Variants in PRSS8 observed in about 807,000 individuals in gnomAD.
The protein encoded by PRSS8 is prostasin.
A neutral mutation model predicts 26.7 loss-of-function variants in PRSS8; 11 were observed. That is an observed-to-expected ratio of 0.41 (90% CI 0.26 to 0.68). The LOEUF (loss-of-function observed/expected upper bound fraction) is 0.68. Ranked by LOEUF, PRSS8 falls within the 30% of genes least tolerant of loss-of-function variation. PRSS8 has a pLI of 0.30. For synonymous variants in PRSS8, 183 were observed against 187.0 expected, an observed-to-expected ratio of 0.98 and a Z score of 0.17; for missense variants, 362 against 443.5, an observed-to-expected ratio of 0.82 and a Z score of 1.65.
chr16:31,133,225 C>A lies in PRSS8; in HGVS notation c.266+1G>T. 6.2e-7 allele frequency: 1 copy of A among 1,613,884 alleles called. No individual in the cohort carries two copies. The highest frequency in any genetic ancestry group is 1.1e-5 in the South Asian group (1 of 91,088). The stretch of plus-strand genomic sequence containing the variant: ...CACTTTTGACTTTCACCATTTGGTA[C>A]CTGGGGAAGCAGTGAGCAGCTGACA... On this transcript the variant is annotated splice_donor_variant, in intron 3 of 5. Transcript: ENST00000317508. LOFTEE classifies it high-confidence loss of function. The surrounding 1 kb of genome is among the most constrained non-coding windows in gnomAD (Gnocchi z 4.7).
Position 31,132,509 on chromosome 16 carries a change from C to T in PRSS8, c.625G>A (p.Ala209Thr), listed in dbSNP as rs368523772. 8.7e-6 allele frequency: 14 copies of T among 1,614,058 alleles called. No individual in the cohort carries two copies. Among genetic ancestry groups the T allele is most frequent in the Middle Eastern group, 1.6e-4 (1 of 6,062 alleles). ...ACAAAGTGCGGCTCCTCAGGCTTGG[C>T]GTCGATGTTGTACAGGCAGTTACAC... The part of the protein sequence containing the change: ...ETCNCLYNID[A>T]KPEEPHFVQE... Residue 209 changes from alanine (A) to threonine (T), a missense_variant, in exon 5 of 6, where the codon GCC becomes ACC. Coordinates refer to ENST00000317508, the MANE Select transcript of PRSS8 (RefSeq NM_002773.5). The surrounding 1 kb of genome is among the most constrained non-coding windows in gnomAD (Gnocchi z 5.2).
At position 31,135,325 on chromosome 16, in the gene PRSS8, G is replaced by C. The variant is rs558997537; in HGVS notation, c.85+89C>G. The C allele has an allele frequency of 1.7e-4, 276 of 1,577,412 alleles. 3 individuals carry two copies. The South Asian group carries it at 2.8e-3, about 16-fold the overall frequency. On this transcript the variant is annotated intron_variant, in intron 1 of 5. Transcript: ENST00000317508. ...AGCTAGGGAGGCCGGGGGTTTTCTT[G>C]GGCCCCAGACAAGGGCACACCCCAG...
At position 31,135,680 on chromosome 16, in the gene PRSS8, C is replaced by G. The variant is rs2057603078; in HGVS notation, c.-182G>C. On this transcript the variant is annotated 5_prime_UTR_variant, in exon 1 of 6. Coordinates refer to ENST00000317508, the MANE Select transcript of PRSS8 (RefSeq NM_002773.5). ...CAGGGAGCGGCCGCAACGGGAGACG[C>G]CTGGAGTATCCGAAGCGAGCAGTGT... 1.7e-6 allele frequency: 1 copy of G among 598,704 alleles called. No individual in the cohort carries two copies. The allele number at this position is 598,704 out of a possible 1,614,324, so 37.1% of individuals were successfully genotyped here.
Position 31,132,766 on chromosome 16 carries a change from GC to G in PRSS8, c.453del (p.Ile153SerfsTer28). 1 of 1,614,022 alleles carries G rather than the reference GC, an allele frequency of 6.2e-7. No homozygotes were observed. The highest frequency in any genetic ancestry group is 8.5e-7 in the Non-Finnish European group (1 of 1,179,890). On this transcript the variant is annotated frameshift_variant, in exon 4 of 6. Coordinates refer to ENST00000317508, the MANE Select transcript of PRSS8 (RefSeq NM_002773.5). LOFTEE classifies it high-confidence loss of function. This position sits in a 1 kb window ranked among gnomAD's most constrained non-coding sequence, Gnocchi z 5.2. Reference sequence around the variant, plus strand: ...GCGTTGGCTGCAGGGAGGCAGATGGGCCGGATGTAGCGGGAGAAGGTGATGG... The same window carrying G: ...GCGTTGGCTGCAGGGAGGCAGATGGGCGGATGTAGCGGGAGAAGGTGATGG... ...SRPITFSRYIRPICLPAANAS... is the reference protein window; with the variant it reads ...SRPITFSRYIXPICLPAANAS...
Position 31,135,213 on chromosome 16 carries a change from C to T in PRSS8, c.86-42G>A, listed in dbSNP as rs767630918. The T allele has an allele frequency of 3.7e-5, 60 of 1,611,820 alleles. 1 individual carries two copies. Among genetic ancestry groups the T allele is most frequent in the South Asian group, 2.7e-4 (24 of 90,498 alleles). On this transcript the variant is annotated intron_variant, in intron 1 of 5. Coordinates refer to ENST00000317508, the MANE Select transcript of PRSS8 (RefSeq NM_002773.5). Reference sequence around the variant, plus strand: ...AGAGGAGGGGTGAGTAGGGAAGACTCGGGTTCCCTGACCCCTTAGTACCCA... The same window carrying T: ...AGAGGAGGGGTGAGTAGGGAAGACTTGGGTTCCCTGACCCCTTAGTACCCA...
rs751143256 is a variant in PRSS8, at chr16:31,133,755, C to CA, written c.104-368dup. On this transcript the variant is annotated intron_variant, in intron 2 of 5. Transcript: ENST00000317508. The surrounding 1 kb of genome is among the most constrained non-coding windows in gnomAD (Gnocchi z 4.7). Reference sequence around the variant, plus strand: ...ACCCAGCCGTCCCCTCTGGACCCTTCAGTTGTGTACATCAGGCCACACACT... The same window carrying CA: ...ACCCAGCCGTCCCCTCTGGACCCTTCAAGTTGTGTACATCAGGCCACACACT... Among the ~76,000 whole-genome samples, 2 of 152,216 alleles carry CA rather than the reference C, an allele frequency of 1.3e-5. No individual in the cohort carries two copies. Among genetic ancestry groups the CA allele is most frequent in the Non-Finnish European group, 2.9e-5 (2 of 68,028 alleles).
At chr16:31,135,216 G>T in intron 1 of PRSS8, 45 bp from the exon 2 acceptor site, 1 of 1,611,880 alleles carries the variant, frequency 6.2e-7, no homozygotes. Context: ...GAAGACTCGG[G>T]TTCCCTGACC....
In PRSS8 at chr16:31,132,039, G is replaced by A; in HGVS notation, c.1002C>T (p.Gly334=). ...GCTCGCTGAGCCATGGGGAGAGGAG[G>A]CCCAGAGCCAGGCCCAGAGGCAGGA... ...ILFLPLGLAL[G]LLSPWLSEH Residue 334 remains glycine (G), a synonymous_variant, in exon 6 of 6, where the codon GGC becomes GGT. Coordinates refer to ENST00000317508, the MANE Select transcript of PRSS8 (RefSeq NM_002773.5). The surrounding 1 kb of genome is among the most constrained non-coding windows in gnomAD (Gnocchi z 5.2). 1 of 1,590,042 alleles carries A rather than the reference G, an allele frequency of 6.3e-7. No individual in the cohort carries two copies. The highest frequency in any genetic ancestry group is 8.6e-7 in the Non-Finnish European group (1 of 1,168,174).
In PRSS8 at chr16:31,135,549, G is replaced by A. The variant is rs1007509982; in HGVS notation, c.-51C>T. On this transcript the variant is annotated 5_prime_UTR_variant, in exon 1 of 6. Coordinates refer to ENST00000317508, the MANE Select transcript of PRSS8 (RefSeq NM_002773.5). ...AGACTCCAGGCACGCAAGGTAGGAA[G>A]CCTTGGGGTGGTGTCGAAGGCAGGA... 2.9e-5 allele frequency: 42 copies of A among 1,432,400 alleles called. No homozygotes were observed. Among genetic ancestry groups the A allele is most frequent in the Non-Finnish European group, 3.8e-5 (41 of 1,071,892 alleles). The allele number at this position is 1,432,400 out of a possible 1,614,324, so 88.7% of individuals were successfully genotyped here. A position where few individuals can be genotyped will look rare whatever the true frequency, so the allele number is the denominator to read the frequency against.
intron 2 of PRSS8, chr16:31,134,676 C>CAAACAA (rs1009472527): frequency 9.4e-5 from 16 of 170,342 alleles, no homozygotes; most frequent in East Asian, 1.7e-4. Context: ...ACATCTCTAC[C>CAAACAA]AAACAAAAAC....
chr16:31,135,127 C>T (rs755118128), intron 2 of PRSS8, 27 bp downstream of exon 2: 9 of 1,610,652 alleles, frequency 5.6e-6, no homozygotes, highest in Non-Finnish European at 7.6e-6. Context: ...TCCCCCTCCC[C>T]TCCTCCCTCT....
At position 31,132,349 on chromosome 16, in the gene PRSS8, C is replaced by T. The variant is rs1473353605; in HGVS notation, c.706-14G>A. 1.2e-6 allele frequency: 2 copies of T among 1,613,920 alleles called. No individual in the cohort carries two copies. The highest frequency in any genetic ancestry group is 1.1e-5 in the South Asian group (1 of 91,074). On this transcript the variant is annotated splice_polypyrimidine_tract_variant and intron_variant, in intron 5 of 5. Coordinates refer to ENST00000317508, the MANE Select transcript of PRSS8 (RefSeq NM_002773.5). The surrounding 1 kb of genome is among the most constrained non-coding windows in gnomAD (Gnocchi z 5.2). ...CCCAGAGTCACCCTGAGGAGAGAAGCCACACAGCAGCCATCAGGACCGGGC... is the reference window on the plus strand; with the variant it reads ...CCCAGAGTCACCCTGAGGAGAGAAGTCACACAGCAGCCATCAGGACCGGGC...
intron 2 of PRSS8, chr16:31,134,823 C>A (rs763446719): frequency 6.0e-6 from 2 of 331,674 alleles, no homozygotes; most frequent in Non-Finnish European, 1.1e-5. Flanking sequence ...CAGTGAGCTG[C>A]GATCGGGCCA....
At chr16:31,135,283 G>A (rs201478213) in intron 1 of PRSS8, 112 bp from the exon 2 acceptor site, 22 of 1,589,048 alleles carry the variant, frequency 1.4e-5, no homozygotes, top group Non-Finnish European at 8.6e-7. Flanking sequence ...GAGCCAAGGT[G>A]GGAAAGAGAG....
rs2057599523 is a variant in PRSS8, at chr16:31,135,233, T to G, written c.86-62A>C. 4.4e-6 allele frequency: 7 copies of G among 1,608,304 alleles called. No individual in the cohort carries two copies. The East Asian group carries it at 1.6e-4, about 36-fold the overall frequency. Reference sequence around the variant, plus strand: ...AGACTCGGGTTCCCTGACCCCTTAGTACCCACCACTGCTCCAGAGGGCTGG... The same window carrying G: ...AGACTCGGGTTCCCTGACCCCTTAGGACCCACCACTGCTCCAGAGGGCTGG... On this transcript the variant is annotated intron_variant, in intron 1 of 5. Transcript: ENST00000317508.
Position 31,133,462 on chromosome 16 carries a change from G to T in PRSS8, c.104-74C>A, listed in dbSNP as rs1396339227. 2.6e-6 allele frequency: 4 copies of T among 1,564,992 alleles called. No individual in the cohort carries two copies. The African/African-American group carries it at 4.0e-5, about 16-fold the overall frequency. ...TATGCAGCCCAGGAGCTCTGATATA[G>T]AGCTTGGGAAGTGGGTTCACAGGAG... On this transcript the variant is annotated intron_variant, in intron 2 of 5. Coordinates refer to ENST00000317508, the MANE Select transcript of PRSS8 (RefSeq NM_002773.5). The surrounding 1 kb of genome is among the most constrained non-coding windows in gnomAD (Gnocchi z 4.7).
Position 31,132,635 on chromosome 16 carries a change from A to G in PRSS8, c.539-40T>C. On this transcript the variant is annotated intron_variant, in intron 4 of 5. Coordinates refer to ENST00000317508, the MANE Select transcript of PRSS8 (RefSeq NM_002773.5). This position sits in a 1 kb window ranked among gnomAD's most constrained non-coding sequence, Gnocchi z 5.2. ...GAGGCTTACCCTGGGCCCCTCCCCA[A>G]GTCAGGTGCCCCTCCACACCTCTAG... The G allele has an allele frequency of 6.2e-7, 1 of 1,613,182 alleles. No individual in the cohort carries two copies.
Position 31,132,949 on chromosome 16 carries a change from G to A in PRSS8, c.271C>T (p.His91Tyr). The A allele has an allele frequency of 3.1e-6, 5 of 1,605,488 alleles. No homozygotes were observed. Among genetic ancestry groups the A allele is most frequent in the Non-Finnish European group, 4.3e-6 (5 of 1,174,738 alleles). Residue 91 changes from histidine to tyrosine, a missense_variant, in exon 4 of 6, where the codon CAC becomes TAC. His to Tyr is a moderately conservative substitution (Grantham distance 83). Coordinates refer to ENST00000317508, the MANE Select transcript of PRSS8 (RefSeq NM_002773.5). This position sits in a 1 kb window ranked among gnomAD's most constrained non-coding sequence, Gnocchi z 5.2. Reference sequence around the variant, plus strand: ...TTGACCTCATAGGCTTCCTTGTGGTGCTCGCTGCAGGCAGGGGGCAAAGGC... The same window carrying A: ...TTGACCTCATAGGCTTCCTTGTGGTACTCGCTGCAGGCAGGGGGCAAAGGC... ...LSAAHCFPSE[H>Y]HKEAYEVKLG...
Position 31,133,331 on chromosome 16 carries a change from C to T in PRSS8, c.161G>A (p.Gly54Asp), listed in dbSNP as rs750205387. ...RITGGSSAVA[G>D]QWPWQVSITY... The stretch of plus-strand genomic sequence containing the variant: ...GATGCTGACCTGCCAGGGCCACTGA[C>T]CGGCGACTGCACTGCTGCCACCTGT... Residue 54 changes from glycine (G) to aspartate (D), a missense_variant, in exon 3 of 6, where the codon GGT (glycine) becomes GAT (aspartate). Physicochemically the swap from Gly to Asp is moderately conservative, Grantham distance 94. Coordinates refer to ENST00000317508, the MANE Select transcript of PRSS8 (RefSeq NM_002773.5). This position sits in a 1 kb window ranked among gnomAD's most constrained non-coding sequence, Gnocchi z 4.7. 1.2e-6 allele frequency: 2 copies of T among 1,614,010 alleles called. No individual in the cohort carries two copies.
Sources: gnomAD v4.1 joint callset for allele counts (sites outside exome capture counted in the v4.1 genomes callset) on GRCh38, gnomAD v4.1.1 for gene constraint, Gnocchi (gnomAD v3.1) non-coding constraint, MANE v1.5 for transcripts, NCBI Gene and HGNC (gene_info 2026-07-23, HGNC 2026-07-21) for gene names.